LAPTM4B: variants seen among roughly 807,000 people sequenced by gnomAD.
The protein encoded by LAPTM4B is lysosomal-associated transmembrane protein 4B.
Under a neutral mutation model 28.5 loss-of-function variants are expected in LAPTM4B, and 26 were observed. The ratio of observed to expected loss-of-function variants is 0.91; its 90% CI spans 0.67 to 1.27. The LOEUF is 1.27. LAPTM4B is among the 50% of genes most tolerant of loss of function. The pLI, the probability that LAPTM4B is intolerant of heterozygous loss-of-function variation, is 0.00. For synonymous variants in LAPTM4B, 109 were observed against 106.4 expected, an observed-to-expected ratio of 1.02 and a Z score of -0.15; for missense variants, 288 against 285.8, an observed-to-expected ratio of 1.01 and a Z score of -0.06.
intron 2 of LAPTM4B, among the ~76,000 whole-genome samples, chr8:97,806,597 C>T (rs191030375): frequency 2.0e-5 from 3 of 152,218 alleles, no homozygotes; most frequent in East Asian, 1.9e-4. Context: ...ACCCAAATCT[C>T]GAATTGTATC....
intron 2 of LAPTM4B, among the ~76,000 whole-genome samples, chr8:97,806,683 T>A (rs139233968): frequency 6.6e-6 from 1 of 152,288 alleles, no homozygotes; most frequent in African/African-American, 2.4e-5. Flanking sequence ...TTTCCCTTGC[T>A]ATTCTTGTGA....
chr8:97,810,164 C>T (rs999580300), intron 2 of LAPTM4B, among the ~76,000 whole-genome samples: 2 of 152,190 alleles, frequency 1.3e-5, no homozygotes, highest in Non-Finnish European at 1.5e-5. Flanking sequence ...TCAAGCAATT[C>T]GTCATTCTCG....
At chr8:97,849,616 T>G (rs11781043) in intron 6 of LAPTM4B, among the ~76,000 whole-genome samples, 1 of 152,090 alleles carries the variant, frequency 6.6e-6, no homozygotes, top group African/African-American at 2.4e-5. Flanking sequence ...GGCTGGCGGG[T>G]GCGACTCTGG....
intron 1 of LAPTM4B, among the ~76,000 whole-genome samples, chr8:97,797,627 C>T (rs1213093511): frequency 6.6e-6 from 1 of 152,162 alleles, no homozygotes; most frequent in African/African-American, 2.4e-5. Flanking sequence ...TTTTTGGATA[C>T]AACCTGTGTA....
Position 97,775,977 on chromosome 8 carries a change from T to TGCGC in LAPTM4B, c.-26_-23dup. 3 of 1,546,790 alleles carry TGCGC rather than the reference T, an allele frequency of 1.9e-6. No homozygotes were observed. The highest frequency in any genetic ancestry group is 2.6e-6 in the Non-Finnish European group (3 of 1,154,434). On this transcript the variant is annotated 5_prime_UTR_variant, in exon 1 of 7. Coordinates refer to ENST00000521545, the MANE Select transcript of LAPTM4B (RefSeq NM_018407.6). Reference sequence around the variant, plus strand: ...GAGGCGGTCGACGCTCCTGAAAACTTGCGCGCGCGCTCGCGCCACTGCGCC... The same window carrying TGCGC: ...GAGGCGGTCGACGCTCCTGAAAACTTGCGCGCGCGCGCGCTCGCGCCACTGCGCC...
At chr8:97,796,923 G>C (rs1816593823) in intron 1 of LAPTM4B, among the ~76,000 whole-genome samples, 1 of 151,988 alleles carries the variant, frequency 6.6e-6, no homozygotes, top group South Asian at 2.1e-4. Flanking sequence ...TTGCGTGACA[G>C]AGTGAGACTC....
intron 2 of LAPTM4B, among the ~76,000 whole-genome samples, chr8:97,814,102 A>G (rs572054753): frequency 6.6e-6 from 1 of 152,344 alleles, no homozygotes; most frequent in Non-Finnish European, 1.5e-5. Context: ...CTATAATCCC[A>G]TAGTGACAAT....
intron 1 of LAPTM4B, among the ~76,000 whole-genome samples, chr8:97,804,342 T>C (rs1280914840): frequency 6.6e-6 from 1 of 152,176 alleles, no homozygotes; most frequent in Non-Finnish European, 1.5e-5. Context: ...GAAATAGAAA[T>C]GAAGAGGTAG....
intron 1 of LAPTM4B, among the ~76,000 whole-genome samples, chr8:97,802,480 A>G (rs2331586): frequency 0.44 from 67,183 of 151,620 alleles, 15,324 homozygotes; most frequent in East Asian, 0.57. Flanking sequence ...ATAATGAGAA[A>G]TAAGGACAGC....
intron 6 of LAPTM4B, among the ~76,000 whole-genome samples, chr8:97,837,535 T>C (rs1335736711): frequency 6.6e-6 from 1 of 152,190 alleles, no homozygotes; most frequent in Non-Finnish European, 1.5e-5. Context: ...CTTGACTGCA[T>C]AATGAGTTCT....
chr8:97,848,707 G>A (rs1318350102), intron 6 of LAPTM4B, among the ~76,000 whole-genome samples: 2 of 152,228 alleles, frequency 1.3e-5, no homozygotes, highest in Non-Finnish European at 2.9e-5. Context: ...TTTATCTAAA[G>A]ATAAGTATAT....
At chr8:97,828,832 C>T (rs1444552139) in intron 6 of LAPTM4B, among the ~76,000 whole-genome samples, 1 of 152,128 alleles carries the variant, frequency 6.6e-6, no homozygotes, top group Non-Finnish European at 1.5e-5. Flanking sequence ...GTTCCGATTG[C>T]GGCAGTGGAA....
intron 6 of LAPTM4B, among the ~76,000 whole-genome samples, chr8:97,829,562 A>G (rs937042873): frequency 1.8e-4 from 28 of 152,148 alleles, no homozygotes; most frequent in Middle Eastern, 3.2e-3. Context: ...TTGTCTGTGT[A>G]GCGAGGTGTC....
chr8:97,834,317 A>G (rs1817229390), intron 6 of LAPTM4B, among the ~76,000 whole-genome samples: 2 of 152,056 alleles, frequency 1.3e-5, no homozygotes, highest in Admixed American at 6.5e-5. Context: ...TAAAAAAGGG[A>G]GCGCTATTAA....
chr8:97,790,372 C>T (rs942357269), intron 1 of LAPTM4B, among the ~76,000 whole-genome samples: 50 of 150,972 alleles, frequency 3.3e-4, no homozygotes, highest in East Asian at 2.0e-4. Flanking sequence ...AGTACAGTGG[C>T]GTGATCCTGG....
intron 4 of LAPTM4B, among the ~76,000 whole-genome samples, chr8:97,817,210 C>T (rs1816932100): frequency 6.6e-6 from 1 of 152,092 alleles, no homozygotes; most frequent in Non-Finnish European, 1.5e-5. Flanking sequence ...TGGCTTGCTG[C>T]AGCGTTGACC....
rs150394925 is a variant in LAPTM4B at position 97,806,176 on chromosome 8, G to A, written c.211+712G>A. On this transcript the variant is annotated intron_variant, in intron 2 of 6. Coordinates refer to ENST00000521545, the MANE Select transcript of LAPTM4B (RefSeq NM_018407.6). ...GCAGTTTTAGAGATCGGAAGCATTC[G>A]AAAGACATGGTGAGGGCTCTTTGTT... Among the ~76,000 whole-genome samples the A allele has an allele frequency of 1.3e-3, 193 of 152,232 alleles. 6 individuals carry two copies. The East Asian group carries it at 0.032, about 25-fold the overall frequency.
In LAPTM4B at chr8:97,812,227, GTT is replaced by G. The variant is rs55878345; in HGVS notation, c.212-3092_212-3091del. ...ATTTGTTTTTTTTTTGTTGTTTTTTGTTTTTTTTTTGAGTCGGAGTCTGACTC... is the reference window on the plus strand; with the variant it reads ...ATTTGTTTTTTTTTTGTTGTTTTTTGTTTTTTTTGAGTCGGAGTCTGACTC... On this transcript the variant is annotated intron_variant, in intron 2 of 6. Transcript: ENST00000521545. 2.2e-5 allele frequency among the ~76,000 whole-genome samples: 2 copies of G among 89,102 alleles called. 1 individual carries two copies. Among genetic ancestry groups the G allele is most frequent in the East Asian group, 6.8e-4 (2 of 2,946 alleles). The allele number at this position is 89,102 out of a possible 152,430, so 58.5% of individuals were successfully genotyped here.
At chr8:97,845,162 C>T (rs1037523040) in intron 6 of LAPTM4B, among the ~76,000 whole-genome samples, 7 of 152,270 alleles carry the variant, frequency 4.6e-5, no homozygotes, top group South Asian at 2.1e-4. Context: ...CCATTTTCTC[C>T]GCTGCTTTAT....
Sources: allele counts gnomAD v4.1 joint callset (sites outside exome capture counted in the v4.1 genomes callset), GRCh38; gene constraint gnomAD v4.1.1; transcripts MANE v1.5; gene names NCBI Gene and HGNC (gene_info 2026-07-23, HGNC 2026-07-21).